Variants in PIP5KL1 observed in about 807,000 individuals in gnomAD.
PIP5KL1 encodes phosphatidylinositol 4-phosphate 5-kinase-like protein 1.
PIP5KL1 carries 45 observed loss-of-function variants against 47.6 expected under a neutral mutation model. The ratio of observed to expected loss-of-function variants is 0.94; its 90% CI spans 0.74 to 1.21. The LOEUF (loss-of-function observed/expected upper bound fraction) is 1.21. Ranked by LOEUF, PIP5KL1 falls within the 50% of genes most tolerant of loss-of-function variation. The pLI, the probability that PIP5KL1 is intolerant of heterozygous loss-of-function variation, is 0.00. For synonymous variants in PIP5KL1, 256 were observed against 234.6 expected (o/e 1.09, Z -0.84); for missense variants, 577 against 547.6 (o/e 1.05, Z -0.54).
At position 127,927,990 on chromosome 9, in the gene PIP5KL1, C is replaced by T. The variant is rs768593865; in HGVS notation, c.434+75G>A. The T allele has an allele frequency of 1.4e-6, 2 of 1,465,060 alleles. No individual in the cohort carries two copies. The highest frequency in any genetic ancestry group is 1.8e-6 in the Non-Finnish European group (2 of 1,104,070). The allele number at this position is 1,465,060 out of a possible 1,614,324, so 90.8% of individuals were successfully genotyped here. ...CTGTTTCTCTCTTCAGGGGGCCTTC[C>T]CCGCCACTGGGAATTCTGCCCTCCC... On this transcript the variant is annotated intron_variant, in intron 4 of 9. Coordinates refer to ENST00000388747, the MANE Select transcript of PIP5KL1 (RefSeq NM_001135219.2). This position sits in a 1 kb window ranked among gnomAD's most constrained non-coding sequence, Gnocchi z 5.5.
Position 127,929,606 on chromosome 9 carries a change from C to T in PIP5KL1, c.228+82G>A. ...TTGATATCCCTCTCTGATCCCCACA[C>T]CTGCAGTTTCAGCCAGACAGGGCAT... On this transcript the variant is annotated intron_variant, in intron 2 of 9. Coordinates refer to ENST00000388747, the MANE Select transcript of PIP5KL1 (RefSeq NM_001135219.2). The surrounding 1 kb of genome is among the most constrained non-coding windows in gnomAD (Gnocchi z 4.0). 4 of 1,335,740 alleles carry T rather than the reference C, an allele frequency of 3.0e-6. No individual in the cohort carries two copies. In the South Asian group the frequency reaches 4.5e-5, roughly 15 times the overall value. 82.7% of individuals were successfully genotyped at this position (1,335,740 alleles called of 1,614,324 possible). A position where few individuals can be genotyped will look rare whatever the true frequency, so the allele number is the denominator to read the frequency against.
At position 127,927,908 on chromosome 9, in the gene PIP5KL1, C is replaced by T. The variant is rs895378449; in HGVS notation, c.435-136G>A. The T allele has an allele frequency of 4.1e-6, 6 of 1,471,090 alleles. No homozygotes were observed. The highest frequency in any genetic ancestry group is 2.1e-4 in the Middle Eastern group (1 of 4,784). 91.1% of individuals were successfully genotyped at this position (1,471,090 alleles called of 1,614,324 possible). On this transcript the variant is annotated intron_variant, in intron 4 of 9. Coordinates refer to ENST00000388747, the MANE Select transcript of PIP5KL1 (RefSeq NM_001135219.2). This position sits in a 1 kb window ranked among gnomAD's most constrained non-coding sequence, Gnocchi z 5.5. ...CTCTCTCGCCTTCGGCCCTCGCCCT[C>T]CTCTCCTCCCCGATCTGTCCACCAT... is the stretch of plus-strand genomic sequence containing the variant.
intron 8 of PIP5KL1, 124 bp downstream of exon 8, chr9:127,925,743 C>A (rs745963173): frequency 2.5e-6 from 2 of 802,628 alleles, no homozygotes. Flanking sequence ...GAATTACAGG[C>A]GTGAGCCACG....
rs994786672 is a variant in PIP5KL1, at chr9:127,927,474, C to T, written c.560-143G>A. The T allele has an allele frequency of 6.8e-7, 1 of 1,469,370 alleles. No individual in the cohort carries two copies. Among genetic ancestry groups the T allele is most frequent in the East Asian group, 2.5e-5 (1 of 40,210 alleles). 91.0% of individuals were successfully genotyped at this position (1,469,370 alleles called of 1,614,324 possible). On this transcript the variant is annotated intron_variant, in intron 5 of 9. Transcript: ENST00000388747. This position sits in a 1 kb window ranked among gnomAD's most constrained non-coding sequence, Gnocchi z 5.5. ...TTCCTTGGCTGGTCCGGATCCCGACCCGATCCCACCCCTAAACACAGCCCC... is the reference window on the plus strand; with the variant it reads ...TTCCTTGGCTGGTCCGGATCCCGACTCGATCCCACCCCTAAACACAGCCCC...
rs771721727 is a variant in PIP5KL1, at chr9:127,927,163, T to A, written c.640A>T (p.Ile214Phe). The change falls in exon 7 of 10, where the codon ATC becomes TTC. Residue 214 changes from isoleucine (I) to phenylalanine (F), a missense_variant. Physicochemically the swap from Ile to Phe is conservative, Grantham distance 21. Coordinates refer to ENST00000388747, the MANE Select transcript of PIP5KL1 (RefSeq NM_001135219.2). The surrounding 1 kb of genome is among the most constrained non-coding windows in gnomAD (Gnocchi z 5.5). The stretch of plus-strand genomic sequence containing the variant: ...GCTTAGGCCACTCACCTCTCGGAGA[T>A]GCGGCCGGCGGGGTAGAAGACGCTC... Reference protein sequence around the residue: ...MQSVFYPAGRISERYDIKGCE... With the variant: ...MQSVFYPAGRFSERYDIKGCE... 7 of 1,611,586 alleles carry A rather than the reference T, an allele frequency of 4.3e-6. No homozygotes were observed. The highest frequency in any genetic ancestry group is 5.9e-6 in the Non-Finnish European group (7 of 1,178,562).
intron 7 of PIP5KL1, among the ~76,000 whole-genome samples, chr9:127,926,741 C>G (rs10987774): frequency 0.042 from 6,389 of 152,328 alleles, 424 homozygotes; most frequent in East Asian, 0.31. Context: ...GGCAACAGGA[C>G]GGCTTGGGGG....
At chr9:127,923,478 C>G (rs1000048528) in intron 9 of PIP5KL1, among the ~76,000 whole-genome samples, 5 of 152,260 alleles carry the variant, frequency 3.3e-5, no homozygotes, top group African/African-American at 1.2e-4. Context: ...GACTCACTGA[C>G]TGAATGACAG....
At chr9:127,924,823 C>T (rs970473159) in intron 9 of PIP5KL1, among the ~76,000 whole-genome samples, 1 of 152,186 alleles carries the variant, frequency 6.6e-6, no homozygotes, top group African/African-American at 2.4e-5. Flanking sequence ...TGCTGCAGTC[C>T]ACCTGTGCCC....
chr9:127,922,694 CAAAAAA>C (rs386416269), intron 9 of PIP5KL1, among the ~76,000 whole-genome samples: 9 of 89,558 alleles, frequency 1.0e-4, no homozygotes, highest in South Asian at 4.1e-4. Flanking sequence ...GACTCTGTCT[CAAAAAA>C]AAAAAAAAAA....
At chr9:127,926,195 C>T (rs1468124019) in intron 7 of PIP5KL1, among the ~76,000 whole-genome samples, 5 of 147,808 alleles carry the variant, frequency 3.4e-5, no homozygotes, top group Admixed American at 1.4e-4. Context: ...TTCTCTCTTT[C>T]TTTCCCTTCC....
In PIP5KL1 at chr9:127,929,834, G is replaced by A. The variant is rs1216240109; in HGVS notation, c.82C>T (p.Arg28Trp). 1.0e-5 allele frequency: 16 copies of A among 1,547,136 alleles called. No individual in the cohort carries two copies. Among genetic ancestry groups the A allele is most frequent in the East Asian group, 2.4e-5 (1 of 40,920 alleles). ...AGCRAVTSSR[R>W]GLLWRLRDKQ... is the part of the protein sequence containing the mutation. ...TCTCGGAGGCGCCAGAGAAGCCCCC[G>A]CCGGCTGGAGGTGACTGCTCTGCAT... Residue 28 changes from arginine (R) to tryptophan (W), a missense_variant, in exon 2 of 10, where the codon CGG (arginine) becomes TGG (tryptophan). Transcript: ENST00000388747. This position sits in a 1 kb window ranked among gnomAD's most constrained non-coding sequence, Gnocchi z 4.0.
At chr9:127,922,417 G>C (rs1831296255) in intron 9 of PIP5KL1, among the ~76,000 whole-genome samples, 1 of 152,204 alleles carries the variant, frequency 6.6e-6, no homozygotes, top group Admixed American at 6.5e-5. Flanking sequence ...AGGATGTAAG[G>C]CTGGGCGCAG....
chr9:127,928,382 G>A (rs1831394182), intron 3 of PIP5KL1, 51 bp downstream of exon 3: 1 of 1,564,118 alleles, frequency 6.4e-7, no homozygotes, highest in African/African-American at 1.4e-5. Context: ...CTGCAGAGGA[G>A]AGAGCAAGAC....
In PIP5KL1 at chr9:127,921,711, T is replaced by G; in HGVS notation, c.*136A>C. On this transcript the variant is annotated 3_prime_UTR_variant, in exon 10 of 10. Transcript: ENST00000388747. Reference sequence around the variant, plus strand: ...ACCACCGTCAAACGGGACTGCGCGGTTACGGTATTAGTTAGGGGATGCTGC... The same window carrying G: ...ACCACCGTCAAACGGGACTGCGCGGGTACGGTATTAGTTAGGGGATGCTGC... 2 of 1,225,874 alleles carry G rather than the reference T, an allele frequency of 1.6e-6. No homozygotes were observed. The highest frequency in any genetic ancestry group is 2.2e-6 in the Non-Finnish European group (2 of 911,850). The allele number at this position is 1,225,874 out of a possible 1,614,324, so 75.9% of individuals were successfully genotyped here. A position where few individuals can be genotyped will look rare whatever the true frequency, so the allele number is the denominator to read the frequency against.
Position 127,929,582 on chromosome 9 carries a change from T to C in PIP5KL1, c.228+106A>G. ...TCCTCCCTCTCTGCCTTCCTCCCCT[T>C]GATATCCCTCTCTGATCCCCACACC... On this transcript the variant is annotated intron_variant, in intron 2 of 9. Transcript: ENST00000388747. The surrounding 1 kb of genome is among the most constrained non-coding windows in gnomAD (Gnocchi z 4.0). 2.5e-6 allele frequency: 3 copies of C among 1,177,786 alleles called. No homozygotes were observed. The highest frequency in any genetic ancestry group is 3.5e-6 in the Non-Finnish European group (3 of 852,764). The allele number at this position is 1,177,786 out of a possible 1,614,324, so 73.0% of individuals were successfully genotyped here. A position where few individuals can be genotyped will look rare whatever the true frequency, so the allele number is the denominator to read the frequency against.
In PIP5KL1 at chr9:127,925,951, G is replaced by C; in HGVS notation, c.679C>G (p.Arg227Gly). 6.2e-7 allele frequency: 1 copy of C among 1,613,792 alleles called. No individual in the cohort carries two copies. The highest frequency in any genetic ancestry group is 1.1e-5 in the South Asian group (1 of 91,070). The change falls in exon 8 of 10, where the codon CGC becomes GGC. Residue 227 changes from arginine (R) to glycine (G), a missense_variant. Coordinates refer to ENST00000388747, the MANE Select transcript of PIP5KL1 (RefSeq NM_001135219.2). ...CCCTCAGGGGCGGGATCCACCCAGC[G>C]GCTCACCTCGCAGCCTTTGATGTCA... ...RYDIKGCEVS[R>G]WVDPAPEGSP...
intron 9 of PIP5KL1, among the ~76,000 whole-genome samples, chr9:127,924,013 G>A (rs555025489): frequency 1.3e-5 from 2 of 152,376 alleles, no homozygotes; most frequent in Admixed American, 1.3e-4. Flanking sequence ...CGGTGCCAAT[G>A]ATGATGACGT....
chr9:127,927,629 C>T lies in PIP5KL1; in HGVS notation c.559+19G>A. 1 of 1,526,584 alleles carries T rather than the reference C, an allele frequency of 6.6e-7. No homozygotes were observed. The highest frequency in any genetic ancestry group is 8.7e-7 in the Non-Finnish European group (1 of 1,143,554). The allele number at this position is 1,526,584 out of a possible 1,614,324, so 94.6% of individuals were successfully genotyped here. A position where few individuals can be genotyped will look rare whatever the true frequency, so the allele number is the denominator to read the frequency against. On this transcript the variant is annotated intron_variant, in intron 5 of 9. Transcript: ENST00000388747. This position sits in a 1 kb window ranked among gnomAD's most constrained non-coding sequence, Gnocchi z 5.5. ...GACCTAGGACCCGCCCCCACCGAGC[C>T]CCGCCCCCAGCCAAGTACCCAGCAA...
At chr9:127,925,072 C>T in intron 9 of PIP5KL1, 35 bp downstream of exon 9, 1 of 1,611,280 alleles carries the variant, frequency 6.2e-7, no homozygotes, top group Non-Finnish European at 8.5e-7. Context: ...ACTCTCACCA[C>T]CTCAATCTCG....
Sources: allele counts gnomAD v4.1 joint callset (sites outside exome capture counted in the v4.1 genomes callset), GRCh38; gene constraint gnomAD v4.1.1; non-coding constraint Gnocchi (gnomAD v3.1); transcripts MANE v1.5; gene names NCBI Gene and HGNC (gene_info 2026-07-23, HGNC 2026-07-21).